ESRP1: variants seen among roughly 807,000 people sequenced by gnomAD.
The protein encoded by ESRP1 is RNA-binding motif protein 35A.
ESRP1 carries 33 observed loss-of-function variants against 81.7 expected under a neutral mutation model. That is an observed-to-expected ratio of 0.40 (90% confidence interval 0.31 to 0.54). The LOEUF is 0.54. Ranked by LOEUF, ESRP1 falls within the 20% of genes least tolerant of loss-of-function variation. ESRP1 has a pLI of 0.41. For missense variants in ESRP1, 672 were observed against 833.1 expected (o/e 0.81, Z 2.38); for synonymous variants, 320 against 303.3 (o/e 1.06, Z -0.57).
rs146791748 is a variant in ESRP1 at position 94,667,001 on chromosome 8, G to A, written c.932-948G>A. On this transcript the variant is annotated intron_variant, in intron 9 of 15. Coordinates refer to ENST00000433389, the MANE Select transcript of ESRP1 (RefSeq NM_017697.4). ...GCGGATCACTTGTGGTCAAGAGTTC[G>A]AGGCCAGCCTGGCCAATATGGTGAA... 4.6e-4 allele frequency among the ~76,000 whole-genome samples: 70 copies of A among 151,984 alleles called. No homozygotes were observed. In the Middle Eastern group the frequency reaches 0.024, roughly 52 times the overall value.
At chr8:94,666,629 C>G (rs1439411330) in intron 9 of ESRP1, among the ~76,000 whole-genome samples, 1 of 152,092 alleles carries the variant, frequency 6.6e-6, no homozygotes, top group Non-Finnish European at 1.5e-5. Flanking sequence ...TAGAACTTAC[C>G]GGAACAGCAT....
chr8:94,642,752 G>A (rs757206086), intron 2 of ESRP1, among the ~76,000 whole-genome samples: 1 of 152,144 alleles, frequency 6.6e-6, no homozygotes, highest in Non-Finnish European at 1.5e-5. Flanking sequence ...ACGGGTGCCG[G>A]ATCGGGTAGG....
chr8:94,678,775 C>T (rs1253095210), intron 13 of ESRP1, among the ~76,000 whole-genome samples: 1 of 152,154 alleles, frequency 6.6e-6, no homozygotes, highest in Non-Finnish European at 1.5e-5. Context: ...AAAACTGTTG[C>T]TTTAAATATT....
At chr8:94,693,313 G>GT (rs200081524) in intron 14 of ESRP1, among the ~76,000 whole-genome samples, 1,584 of 152,296 alleles carry the variant, frequency 0.01, 33 homozygotes, top group African/African-American at 0.035. Flanking sequence ...TCTTTAGGTG[G>GT]TAACACCTTA....
intron 13 of ESRP1, among the ~76,000 whole-genome samples, chr8:94,691,463 T>A (rs545515460): frequency 2.0e-4 from 31 of 152,280 alleles, no homozygotes; most frequent in Non-Finnish European, 3.2e-4. Context: ...GTTACAGCAT[T>A]TTTATGGTTT....
rs6986981 is a variant in ESRP1, at chr8:94,693,007, C to T, written c.1971+180C>T. Among the ~76,000 whole-genome samples, 963 of 139,622 alleles carry T rather than the reference C, an allele frequency of 6.9e-3. 3 individuals are homozygous for T. Among genetic ancestry groups the T allele is most frequent in the Middle Eastern group, 0.023 (6 of 266 alleles). 91.6% of individuals were successfully genotyped at this position (139,622 alleles called of 152,430 possible). A position where few individuals can be genotyped will look rare whatever the true frequency, so the allele number is the denominator to read the frequency against. ...TGTGGGGACCAACTTCAGACTCATC[C>T]CCTTGTCAGAAATTAAGGCTTTTTC... On this transcript the variant is annotated intron_variant, in intron 14 of 15. Transcript: ENST00000433389.
At chr8:94,680,513 C>T (rs1293428819) in intron 13 of ESRP1, among the ~76,000 whole-genome samples, 3 of 152,110 alleles carry the variant, frequency 2.0e-5, no homozygotes, top group African/African-American at 4.8e-5. Context: ...CCACACCCTC[C>T]GCCTCCCGGG....
rs1586202324 is a variant in ESRP1 at position 94,664,689 on chromosome 8, A to C, written c.645-8A>C. The C allele has an allele frequency of 6.2e-7, 1 of 1,610,224 alleles. No homozygotes were observed. Among genetic ancestry groups the C allele is most frequent in the East Asian group, 2.2e-5 (1 of 44,862 alleles). ...ATCATGCAACCTGAAGTTTTGCTTC[A>C]TCCACAGCAGCAAGATGGAACTTAT... On this transcript the variant is annotated splice_polypyrimidine_tract_variant and splice_region_variant and intron_variant, in intron 6 of 15. Coordinates refer to ENST00000433389, the MANE Select transcript of ESRP1 (RefSeq NM_017697.4).
Position 94,692,845 on chromosome 8 carries a change from G to A in ESRP1, c.1971+18G>A, listed in dbSNP as rs1809459138. The A allele has an allele frequency of 2.5e-6, 4 of 1,609,536 alleles. No homozygotes were observed. Among genetic ancestry groups the A allele is most frequent in the Non-Finnish European group, 3.4e-6 (4 of 1,177,530 alleles). Reference sequence around the variant, plus strand: ...GTTACCAGGTCAGTAGCTTGAAGGAGAATAATCCTCAGTGCCCTTATTACT... The same window carrying A: ...GTTACCAGGTCAGTAGCTTGAAGGAAAATAATCCTCAGTGCCCTTATTACT... On this transcript the variant is annotated intron_variant, in intron 14 of 15. Transcript: ENST00000433389.
At chr8:94,690,466 A>G (rs1809357147) in intron 13 of ESRP1, among the ~76,000 whole-genome samples, 1 of 151,608 alleles carries the variant, frequency 6.6e-6, no homozygotes, top group South Asian at 2.1e-4. Flanking sequence ...TCTTACTTTC[A>G]TGTCCTGTCA....
At chr8:94,680,188 T>A (rs1586229525) in intron 13 of ESRP1, among the ~76,000 whole-genome samples, 1 of 151,940 alleles carries the variant, frequency 6.6e-6, no homozygotes, top group East Asian at 1.9e-4. Context: ...TGTAAGACAG[T>A]TTTACAGAAG....
chr8:94,668,040 A>G lies in ESRP1; in HGVS notation c.1023A>G (p.Glu341=), dbSNP rs1819114045. The change falls in exon 10 of 16, where the codon GAA becomes GAG. Residue 341 remains glutamate (E), a synonymous_variant. Transcript: ENST00000433389. ...RGLPFTATAE[E]VVAFFGQHCP... is the part of the protein sequence containing the mutation. ...TCCCTTTCACGGCCACAGCTGAAGA[A>G]GTGGTGGCCTTCTTTGGACAGCATT... is the stretch of plus-strand genomic sequence containing the variant. 2 of 1,614,002 alleles carry G rather than the reference A, an allele frequency of 1.2e-6. No individual in the cohort carries two copies. Among genetic ancestry groups the G allele is most frequent in the Non-Finnish European group, 1.7e-6 (2 of 1,179,888 alleles).
chr8:94,674,959 A>G (rs2130651509), intron 12 of ESRP1, among the ~76,000 whole-genome samples: 1 of 152,292 alleles, frequency 6.6e-6, no homozygotes, highest in South Asian at 2.1e-4. Flanking sequence ...TTTTTTTAAC[A>G]TTTTTGAGCA....
chr8:94,685,648 A>G (rs1809107733), intron 13 of ESRP1, among the ~76,000 whole-genome samples: 2 of 152,106 alleles, frequency 1.3e-5, no homozygotes, highest in Non-Finnish European at 2.9e-5. Flanking sequence ...AAAAATAAAA[A>G]AATTAGCCAG....
intron 10 of ESRP1, among the ~76,000 whole-genome samples, chr8:94,669,846 G>C (rs1015446540): frequency 4.4e-5 from 6 of 136,880 alleles, no homozygotes; most frequent in Non-Finnish European, 7.6e-5. Context: ...TAGCCTGGGC[G>C]ACCAAGCAAG....
chr8:94,650,825 C>T (rs1314321391), intron 4 of ESRP1, among the ~76,000 whole-genome samples: 2 of 152,020 alleles, frequency 1.3e-5, no homozygotes, highest in African/African-American at 2.4e-5. Flanking sequence ...CATTCTCCTG[C>T]CTCAGCCTCC....
At chr8:94,671,296 C>T (rs10956925) in intron 10 of ESRP1, among the ~76,000 whole-genome samples, 157 bp from the exon 11 acceptor site, 48,704 of 152,092 alleles carry the variant, frequency 0.32, 8,988 homozygotes, top group East Asian at 0.58. Context: ...TTCTGAATCA[C>T]TTGAAGATTC....
intron 13 of ESRP1, among the ~76,000 whole-genome samples, chr8:94,682,915 TATATATATA>T (rs1808962004): frequency 3.4e-5 from 1 of 29,126 alleles, no homozygotes; most frequent in Non-Finnish European, 6.8e-5. Context: ...TATATATATA[TATATATATA>T]TATATATATT....
rs1471086283 is a variant in ESRP1, at chr8:94,642,197, C to T, written c.261+113C>T. Reference sequence around the variant, plus strand: ...CCGGAGCAGGGTGGCGAGACGCCTGCCCGGCCGCGTGGGTGGGAGCCCAGC... The same window carrying T: ...CCGGAGCAGGGTGGCGAGACGCCTGTCCGGCCGCGTGGGTGGGAGCCCAGC... On this transcript the variant is annotated intron_variant, in intron 2 of 15. Transcript: ENST00000433389. The T allele has an allele frequency of 1.2e-5, 16 of 1,356,198 alleles. No homozygotes were observed. In the Admixed American group the frequency reaches 2.7e-4, roughly 23 times the overall value. 84.0% of individuals were successfully genotyped at this position (1,356,198 alleles called of 1,614,324 possible).
Sources: gnomAD v4.1 joint callset for allele counts (sites outside exome capture counted in the v4.1 genomes callset) on GRCh38, gnomAD v4.1.1 for gene constraint, MANE v1.5 for transcripts, NCBI Gene and HGNC (gene_info 2026-07-23, HGNC 2026-07-21) for gene names.